The following ZNF697 variants were observed in gnomAD, a reference collection of about 807,000 sequenced individuals.
ZNF697 encodes the protein zinc finger protein 697.
ZNF697 carries 23 observed loss-of-function variants against 32.4 expected under a neutral mutation model. That is an observed-to-expected ratio of 0.71 (90% confidence interval 0.51 to 1.01). The LOEUF is 1.01. Ranked by LOEUF, ZNF697 falls within the 50% of genes least tolerant of loss-of-function variation. The probability of loss-of-function intolerance (pLI) is 0.00; values close to 1 mark genes in which losing one functional copy is unlikely to be tolerated. For synonymous variants in ZNF697, 418 were observed against 337.2 expected, an observed-to-expected ratio of 1.24 and a Z score of -2.62; for missense variants, 930 against 794.0, an observed-to-expected ratio of 1.17 and a Z score of -2.06.
intron 1 of ZNF697, among the ~76,000 whole-genome samples, chr1:119,626,898 C>T (rs587595806): frequency 6.6e-6 from 1 of 152,194 alleles, no homozygotes; most frequent in South Asian, 2.1e-4. Context: ...TTTACAGTAT[C>T]CGAATTGTAG....
Position 119,648,190 on chromosome 1 carries a change from C to CTGGCTGGCTGGT in ZNF697, c.-549_-538dup, listed in dbSNP as rs1215800300. The stretch of plus-strand genomic sequence containing the variant: ...GCTGCAGCGGCCGCTGGGTGGCCCG[C>CTGGCTGGCTGGT]TGGCTGGCTGGTTGGCTGGCTGGCT... On this transcript the variant is annotated 5_prime_UTR_variant, in exon 1 of 3. Transcript: ENST00000421812. Among the ~76,000 whole-genome samples the CTGGCTGGCTGGT allele has an allele frequency of 1.6e-5, 2 of 128,790 alleles. No homozygotes were observed. The highest frequency in any genetic ancestry group is 3.4e-5 in the Non-Finnish European group (2 of 58,636). The allele number at this position is 128,790 out of a possible 152,430, so 84.5% of individuals were successfully genotyped here. A position where few individuals can be genotyped will look rare whatever the true frequency, so the allele number is the denominator to read the frequency against.
chr1:119,622,783 C>T lies in ZNF697; in HGVS notation c.1560G>A (p.Pro520=), dbSNP rs1648383134. ...CTTTGCCGCAGCCCGCACACTTGTG[C>T]GGCTTGTTGCCCGTGTGGATGCGGC... is the stretch of plus-strand genomic sequence containing the variant. The part of the protein sequence containing the change: ...RHRRIHTGNK[P]HKCAGCGKGF... The change falls in exon 3 of 3, where the codon CCG becomes CCA. Residue 520 remains proline, a synonymous_variant. Coordinates refer to ENST00000421812, the MANE Select transcript of ZNF697 (RefSeq NM_001080470.2). 3.1e-6 allele frequency: 5 copies of T among 1,595,334 alleles called. No individual in the cohort carries two copies. Among genetic ancestry groups the T allele is most frequent in the Non-Finnish European group, 4.3e-6 (5 of 1,171,086 alleles).
intron 1 of ZNF697, among the ~76,000 whole-genome samples, chr1:119,647,240 C>T (rs1181946524): frequency 6.6e-6 from 1 of 152,158 alleles, no homozygotes; most frequent in Non-Finnish European, 1.5e-5. Context: ...ACCTTTTACT[C>T]ACCCACTCCT....
intron 1 of ZNF697, among the ~76,000 whole-genome samples, chr1:119,643,273 G>A (rs2101096905): frequency 6.6e-6 from 1 of 152,276 alleles, no homozygotes; most frequent in African/African-American, 2.4e-5. Context: ...CTGGAACACT[G>A]TTGCTGGCCT....
chr1:119,645,971 T>G (rs1235322820), intron 1 of ZNF697, among the ~76,000 whole-genome samples: 1 of 152,110 alleles, frequency 6.6e-6, no homozygotes, highest in Non-Finnish European at 1.5e-5. Flanking sequence ...CACAGGACAC[T>G]AGTAATTAGG....
chr1:119,625,422 G>T (rs753174242), intron 2 of ZNF697, among the ~76,000 whole-genome samples: 1 of 152,192 alleles, frequency 6.6e-6, no homozygotes, highest in East Asian at 1.9e-4. Flanking sequence ...ACCTAGGCAG[G>T]TCACTTACCA....
intron 1 of ZNF697, among the ~76,000 whole-genome samples, chr1:119,639,846 A>G (rs911483406): frequency 1.3e-5 from 2 of 152,146 alleles, no homozygotes; most frequent in Non-Finnish European, 2.9e-5. Context: ...GTGACAGAGC[A>G]AGATCCTGTC....
chr1:119,646,108 C>T (rs1237915271), intron 1 of ZNF697, among the ~76,000 whole-genome samples: 3 of 151,978 alleles, frequency 2.0e-5, no homozygotes, highest in African/African-American at 4.8e-5. Flanking sequence ...TCAATCCAGC[C>T]GCATCAATCC....
intron 1 of ZNF697, among the ~76,000 whole-genome samples, chr1:119,631,663 C>T (rs1314463461): frequency 6.6e-6 from 1 of 152,198 alleles, no homozygotes; most frequent in Non-Finnish European, 1.5e-5. Context: ...TGTGCCGCGG[C>T]GGCCGCTGCC....
At chr1:119,629,528 C>G (rs1298294193) in intron 1 of ZNF697, among the ~76,000 whole-genome samples, 1 of 152,204 alleles carries the variant, frequency 6.6e-6, no homozygotes, top group Admixed American at 6.5e-5. Context: ...GCCACTTTAC[C>G]TTGTACAAGT....
chr1:119,632,091 C>T (rs1204428440), intron 1 of ZNF697, among the ~76,000 whole-genome samples: 1 of 152,178 alleles, frequency 6.6e-6, no homozygotes, highest in Non-Finnish European at 1.5e-5. Flanking sequence ...GTCAGCTAGC[C>T]TCTCGGGGGA....
At position 119,623,241 on chromosome 1, in the gene ZNF697, G is replaced by T; in HGVS notation, c.1102C>A (p.Leu368Met). ...GTGTGGATGCGCTGGTGGTTGGCCA[G>T]GTGCGAACGGCGCACGAAGCCCTTG... ...CGKGFVRRSH[L>M]ANHQRIHTGE... The change falls in exon 3 of 3, where the codon CTG becomes ATG. Residue 368 changes from leucine (L) to methionine (M), a missense_variant. By Grantham distance (15) the Leu-to-Met change is conservative. Transcript: ENST00000421812. 6.4e-7 allele frequency: 1 copy of T among 1,567,436 alleles called. No individual in the cohort carries two copies. Among genetic ancestry groups the T allele is most frequent in the Non-Finnish European group, 8.6e-7 (1 of 1,159,960 alleles).
In ZNF697 at chr1:119,623,596, C is replaced by A; in HGVS notation, c.747G>T (p.Gly249=). ...CGCGCGGGGGCCGGGCCAGCGGGGG[C>A]CCGGCCCCGAAGCCCCCCGCCACAC... ...GVGVAGGFGA[G]PPLARPPREK... The change falls in exon 3 of 3, where the codon GGG becomes GGT. Residue 249 remains glycine (G), a synonymous_variant. Coordinates refer to ENST00000421812, the MANE Select transcript of ZNF697 (RefSeq NM_001080470.2). 1 of 1,433,216 alleles carries A rather than the reference C, an allele frequency of 7.0e-7. No homozygotes were observed. Among genetic ancestry groups the A allele is most frequent in the Non-Finnish European group, 9.0e-7 (1 of 1,106,280 alleles). 88.8% of individuals were successfully genotyped at this position (1,433,216 alleles called of 1,614,324 possible).
intron 1 of ZNF697, among the ~76,000 whole-genome samples, chr1:119,630,878 AAG>A (rs1180762250): frequency 6.6e-6 from 1 of 152,170 alleles, no homozygotes; most frequent in African/African-American, 2.4e-5. Context: ...TCAAAAAAAA[AAG>A]AGGAAGGGAG....
chr1:119,631,304 T>G (rs1648759568), intron 1 of ZNF697, among the ~76,000 whole-genome samples: 1 of 152,242 alleles, frequency 6.6e-6, no homozygotes, highest in Non-Finnish European at 1.5e-5. Context: ...TCCTATGCAC[T>G]GCAGCGGGTC....
intron 1 of ZNF697, among the ~76,000 whole-genome samples, chr1:119,633,178 C>T (rs1311626076): frequency 1.3e-5 from 2 of 152,214 alleles, no homozygotes; most frequent in Non-Finnish European, 2.9e-5. Flanking sequence ...TCAGGTTTTA[C>T]TAGAAGAGTT....
chr1:119,634,744 TAAAC>T (rs754515184), intron 1 of ZNF697, among the ~76,000 whole-genome samples: 1 of 152,176 alleles, frequency 6.6e-6, no homozygotes, highest in Non-Finnish European at 1.5e-5. Context: ...TCAAAAAACA[TAAAC>T]AATATCAACC....
chr1:119,643,580 A>G (rs977073549), intron 1 of ZNF697, among the ~76,000 whole-genome samples: 35 of 152,216 alleles, frequency 2.3e-4, no homozygotes, highest in African/African-American at 7.0e-4. Context: ...TATACCCCAC[A>G]CAAATCTTGC....
rs1410501252 is a variant in ZNF697 at position 119,619,995 on chromosome 1, T to C, written c.*2710A>G. On this transcript the variant is annotated 3_prime_UTR_variant, in exon 3 of 3. Coordinates refer to ENST00000421812, the MANE Select transcript of ZNF697 (RefSeq NM_001080470.2). ...AGCAGGGTTTGCCGAAGAAATATTA[T>C]TCTAAAACTAGATAGAAGAAACAAA... 8.1e-6 allele frequency: 1 copy of C among 124,194 alleles called. No homozygotes were observed. The highest frequency in any genetic ancestry group is 1.7e-5 in the Non-Finnish European group (1 of 60,606). 7.7% of individuals were successfully genotyped at this position (124,194 alleles called of 1,614,324 possible). A position where few individuals can be genotyped will look rare whatever the true frequency, so the allele number is the denominator to read the frequency against.
Sources: allele counts gnomAD v4.1 joint callset (sites outside exome capture counted in the v4.1 genomes callset), GRCh38; gene constraint gnomAD v4.1.1; transcripts MANE v1.5; gene names NCBI Gene and HGNC (gene_info 2026-07-23, HGNC 2026-07-21).